Variants in C12orf42 observed in about 807,000 individuals in gnomAD.
C12orf42 encodes chromosome 12 open reading frame 42.
A neutral mutation model predicts 21.6 loss-of-function variants in C12orf42; 25 were observed. That is an observed-to-expected ratio of 1.16 (90% CI 0.84 to 1.62). The LOEUF (loss-of-function observed/expected upper bound fraction) is 1.62. Ranked by LOEUF, C12orf42 falls within the 40% of genes most tolerant of loss-of-function variation. The probability of loss-of-function intolerance (pLI) is 0.00; values close to 1 mark genes in which losing one functional copy is unlikely to be tolerated. For synonymous variants in C12orf42, 174 were observed against 175.0 expected, an observed-to-expected ratio of 0.99 and a Z score of 0.05; for missense variants, 483 against 459.3, an observed-to-expected ratio of 1.05 and a Z score of -0.47.
the C12orf42 span, among the ~76,000 whole-genome samples, chr12:103,127,885 T>A: frequency 3.4e-4 from 52 of 152,224 alleles, no homozygotes; most frequent in Admixed American, 2.9e-3. Flanking sequence ...TTAAATGTTT[T>A]TGAAAATAGC....
chr12:103,266,456 C>T (rs1272863486), downstream of C12orf42, among the ~76,000 whole-genome samples: 3 of 152,100 alleles, frequency 2.0e-5, no homozygotes, highest in Admixed American at 6.6e-5. Context: ...TCTGATCAGT[C>T]CCCTTTTTCT....
At chr12:103,145,732 C>A in the C12orf42 span, among the ~76,000 whole-genome samples, 1 of 151,920 alleles carries the variant, frequency 6.6e-6, no homozygotes, top group Admixed American at 6.6e-5. Context: ...AAATATTCAA[C>A]AAAAGTGAAC....
At chr12:103,431,466 G>A (rs1950260238) in intron 2 of C12orf42, among the ~76,000 whole-genome samples, 1 of 152,146 alleles carries the variant, frequency 6.6e-6, no homozygotes, top group Non-Finnish European at 1.5e-5. Context: ...CCATGACTCT[G>A]GGTTCAAATC....
chr12:103,257,765 G>A (rs1240189350), intron 10 of C12orf42, among the ~76,000 whole-genome samples: 3 of 151,546 alleles, frequency 2.0e-5, no homozygotes, highest in African/African-American at 7.2e-5. Context: ...AGGAGTCCCT[G>A]AAGAAAAAAA....
At chr12:103,247,809 T>A (rs2034085942) in intron 10 of C12orf42, among the ~76,000 whole-genome samples, 1 of 152,126 alleles carries the variant, frequency 6.6e-6, no homozygotes, top group Middle Eastern at 3.4e-3. Context: ...CAGGTAGCCA[T>A]AATTGAACTG....
At chr12:103,421,578 T>TATAAATAAATAA (rs58157140) in intron 2 of C12orf42, among the ~76,000 whole-genome samples, 94 of 147,296 alleles carry the variant, frequency 6.4e-4, no homozygotes, top group African/African-American at 1.5e-3. Context: ...TGTCAATAAA[T>TATAAATAAATAA]ATAAATAAAT....
chr12:103,553,410 A>G, the C12orf42 span, among the ~76,000 whole-genome samples: 1 of 152,152 alleles, frequency 6.6e-6, no homozygotes, highest in African/African-American at 2.4e-5. Flanking sequence ...AGCCCTTAAA[A>G]CAAGGAAACA....
chr12:103,072,188 A>C, the C12orf42 span, among the ~76,000 whole-genome samples: 22,771 of 152,160 alleles, frequency 0.15, 1,801 homozygotes, highest in East Asian at 0.26. Context: ...GGCTTTGAAC[A>C]TTTGCTTCTT....
chr12:103,065,703 C>T, the C12orf42 span, among the ~76,000 whole-genome samples: 4 of 152,134 alleles, frequency 2.6e-5, no homozygotes, highest in Non-Finnish European at 4.4e-5. Flanking sequence ...TTTCTAGGGG[C>T]CCAGTGGTGT....
At chr12:103,189,021 T>C in the C12orf42 span, among the ~76,000 whole-genome samples, 10 of 152,074 alleles carry the variant, frequency 6.6e-5, no homozygotes, top group African/African-American at 2.4e-4. Flanking sequence ...TCCTTCTGGA[T>C]TTTCCTATTT....
chr12:103,423,169 C>G (rs2050068584), intron 2 of C12orf42, among the ~76,000 whole-genome samples: 1 of 152,206 alleles, frequency 6.6e-6, no homozygotes, highest in South Asian at 2.1e-4. Flanking sequence ...TGCCCTGGGG[C>G]CCCCAGCCCT....
Position 103,374,167 on chromosome 12 carries a change from C to T in C12orf42, c.148-5169G>A, listed in dbSNP as rs114032041. The stretch of plus-strand genomic sequence containing the variant: ...AAGGGAATGCTGCAACCTCTATTAC[C>T]GCCACCAATTTTTTTCACTTTTGTC... On this transcript the variant is annotated intron_variant, in intron 3 of 5. Transcript: ENST00000548883. Among the ~76,000 whole-genome samples, 746 of 152,234 alleles carry T rather than the reference C, an allele frequency of 4.9e-3. 10 individuals carry two copies. Among genetic ancestry groups the T allele is most frequent in the African/African-American group, 0.017 (703 of 41,556 alleles).
chr12:103,553,653 T>G, the C12orf42 span, among the ~76,000 whole-genome samples: 1 of 152,214 alleles, frequency 6.6e-6, no homozygotes, highest in Admixed American at 6.5e-5. Flanking sequence ...ATTCCCCTGA[T>G]GCTTGGCAAA....
the C12orf42 span, among the ~76,000 whole-genome samples, chr12:103,146,571 A>AGAAT: frequency 1.4e-5 from 2 of 146,796 alleles, no homozygotes; most frequent in Non-Finnish European, 3.0e-5. Flanking sequence ...AAAGAAAGAA[A>AGAAT]GAAAGAAAGA....
intron 4 of C12orf42, among the ~76,000 whole-genome samples, chr12:103,339,205 A>G (rs568042674): frequency 6.6e-6 from 1 of 152,316 alleles, no homozygotes; most frequent in East Asian, 1.9e-4. Context: ...GTTCAAATAC[A>G]CTTTTTAAAA....
the C12orf42 span, among the ~76,000 whole-genome samples, chr12:103,063,036 A>G: frequency 2.8e-3 from 434 of 152,320 alleles, 2 homozygotes; most frequent in African/African-American, 9.5e-3. Context: ...TATGCAGAAT[A>G]AATACATTTG....
chr12:103,484,096 A>G (rs946654205), intron 1 of C12orf42, among the ~76,000 whole-genome samples: 1 of 152,188 alleles, frequency 6.6e-6, no homozygotes, highest in African/African-American at 2.4e-5. Context: ...AGTCTTTGCT[A>G]TTATGAATAG....
chr12:103,301,728 C>G (rs138676093), downstream of C12orf42, among the ~76,000 whole-genome samples: 201 of 152,226 alleles, frequency 1.3e-3, 1 homozygote, highest in Middle Eastern at 0.014. Flanking sequence ...TCTAAAGGCC[C>G]TTAGAAAACA....
upstream of C12orf42, among the ~76,000 whole-genome samples, chr12:103,496,863 G>C (rs1488728376): frequency 2.9e-5 from 4 of 136,544 alleles, no homozygotes; most frequent in African/African-American, 1.1e-4. Flanking sequence ...AGTCTTGTTA[G>C]ATCTCATTCA....
Sources: allele counts gnomAD v4.1 joint callset (sites outside exome capture counted in the v4.1 genomes callset), GRCh38; gene constraint gnomAD v4.1.1; transcripts MANE v1.5; gene names NCBI Gene and HGNC (gene_info 2026-07-23, HGNC 2026-07-21).